Variants in CSMD1 observed in about 807,000 individuals in gnomAD.
CSMD1 encodes CUB and Sushi multiple domains 1.
CSMD1 carries 213 observed loss-of-function variants against 417.5 expected under a neutral mutation model. That is an observed-to-expected ratio of 0.51 (90% CI 0.46 to 0.57). The LOEUF (loss-of-function observed/expected upper bound fraction) is 0.57, where lower values mean the gene tolerates loss of function less well. Ranked by LOEUF, CSMD1 falls within the 20% of genes least tolerant of loss-of-function variation. The pLI is 0.00. For missense variants in CSMD1, 6,923 were observed against 4,529.7 expected, an observed-to-expected ratio of 1.53 and a Z score of -15.17; for synonymous variants, 2,862 against 1,736.8, an observed-to-expected ratio of 1.65 and a Z score of -16.11.
intron 1 of CSMD1, among the ~76,000 whole-genome samples, chr8:4,952,330 A>G (rs1808807457): frequency 2.0e-5 from 2 of 98,370 alleles, no homozygotes; most frequent in Non-Finnish European, 4.2e-5. Flanking sequence ...TGGGAATGAA[A>G]ACAAACCCAA....
chr8:3,737,564 A>G (rs960784351), intron 6 of CSMD1, among the ~76,000 whole-genome samples: 6 of 152,190 alleles, frequency 3.9e-5, no homozygotes, highest in Admixed American at 2.0e-4. Context: ...ACAGAGTAGC[A>G]TATATCCTCC....
intron 1 of CSMD1, among the ~76,000 whole-genome samples, chr8:4,885,004 T>C (rs923225099): frequency 6.6e-6 from 1 of 152,156 alleles, no homozygotes; most frequent in African/African-American, 2.4e-5. Flanking sequence ...TTTATTTAGG[T>C]CTTCTTTAAT....
chr8:3,439,104 C>T (rs376723466), intron 12 of CSMD1, among the ~76,000 whole-genome samples: 20 of 76,588 alleles, frequency 2.6e-4, no homozygotes, highest in East Asian at 1.4e-3. Flanking sequence ...GCCTGGGTGA[C>T]AGAGCAAGAC....
In CSMD1 at chr8:4,354,881, T is replaced by TGTGTGTGA. The variant is rs539588789; in HGVS notation, c.415+65071_415+65072insTCACACAC. Among the ~76,000 whole-genome samples, 913 of 149,484 alleles carry TGTGTGTGA rather than the reference T, an allele frequency of 6.1e-3. 14 individuals are homozygous for TGTGTGTGA. The highest frequency in any genetic ancestry group is 0.021 in the African/African-American group (838 of 40,600). On this transcript the variant is annotated intron_variant, in intron 3 of 69. Transcript: ENST00000635120. ...GGAAAATGTAGTGTGTGTGTGTGTG[T>TGTGTGTGA]GTGTGTGTGTGTGTGTGTGTGTGTG...
Position 3,343,428 on chromosome 8 carries a change from G to C in CSMD1, c.3497C>G (p.Ser1166Cys). ...TLKVYDGKDS[S>C]SRPLGTFTKN... ...AGTGAACGTGCCCAGTGGACGTGAG[G>C]AACTGTCTTTTCCATCATATACCTG... Residue 1166 changes from serine (S) to cysteine (C), a missense_variant, in exon 23 of 70, where the codon TCC becomes TGC. Transcript: ENST00000635120. The C allele has an allele frequency of 1.9e-6, 3 of 1,613,680 alleles. No individual in the cohort carries two copies. Among genetic ancestry groups the C allele is most frequent in the Non-Finnish European group, 2.5e-6 (3 of 1,179,724 alleles).
chr8:3,646,242 G>C (rs571345720), intron 7 of CSMD1, among the ~76,000 whole-genome samples: 2 of 152,196 alleles, frequency 1.3e-5, no homozygotes, highest in Non-Finnish European at 2.9e-5. Context: ...CATAGAAAAA[G>C]AAACGTGATA....
At position 3,884,030 on chromosome 8, in the gene CSMD1, G is replaced by T. The variant is rs367925079; in HGVS notation, c.818+113873C>A. ...ATTTGCTAAATATTTTAGTTTTCAT[G>T]CAAAAGATAACATTAACTTCTCTAT... is the stretch of plus-strand genomic sequence containing the variant. On this transcript the variant is annotated intron_variant, in intron 5 of 69. Transcript: ENST00000635120. Among the ~76,000 whole-genome samples the T allele has an allele frequency of 3.9e-5, 6 of 152,114 alleles. No individual in the cohort carries two copies. The East Asian group carries it at 5.8e-4, about 15-fold the overall frequency.
At chr8:3,500,993 AT>A (rs1796577009) in intron 10 of CSMD1, among the ~76,000 whole-genome samples, 1 of 152,242 alleles carries the variant, frequency 6.6e-6, no homozygotes, top group African/African-American at 2.4e-5. Flanking sequence ...GGAAAGAAAT[AT>A]TGTTGCTACT....
chr8:4,330,477 C>A (rs540179470), intron 3 of CSMD1, among the ~76,000 whole-genome samples: 3 of 151,742 alleles, frequency 2.0e-5, no homozygotes, highest in Non-Finnish European at 4.4e-5. Flanking sequence ...GTAAACCCAG[C>A]TACTTAGGAG....
At chr8:4,887,449 C>G (rs185831586) in intron 1 of CSMD1, among the ~76,000 whole-genome samples, 1 of 152,104 alleles carries the variant, frequency 6.6e-6, no homozygotes, top group South Asian at 2.1e-4. Context: ...ATTTTTTTCA[C>G]TTGGCTACTT....
intron 4 of CSMD1, among the ~76,000 whole-genome samples, chr8:4,009,009 C>T (rs950064164): frequency 2.6e-5 from 4 of 152,084 alleles, no homozygotes; most frequent in Admixed American, 2.0e-4. Context: ...TGTGCCCATA[C>T]CGAATTTCCA....
At chr8:4,760,967 C>T (rs572973650) in intron 1 of CSMD1, among the ~76,000 whole-genome samples, 4 of 152,150 alleles carry the variant, frequency 2.6e-5, no homozygotes, top group Non-Finnish European at 4.4e-5. Flanking sequence ...ACCAAAGTTG[C>T]ATTATTAGCT....
At chr8:4,798,431 A>G (rs1425268567) in intron 1 of CSMD1, among the ~76,000 whole-genome samples, 1 of 152,166 alleles carries the variant, frequency 6.6e-6, no homozygotes, top group Non-Finnish European at 1.5e-5. Flanking sequence ...GAGATATTTT[A>G]TTTTTAAAAA....
intron 3 of CSMD1, among the ~76,000 whole-genome samples, chr8:4,203,377 G>A (rs1799779982): frequency 6.6e-6 from 1 of 152,148 alleles, no homozygotes; most frequent in African/African-American, 2.4e-5. Flanking sequence ...GTGGAAATAT[G>A]AGGTGAGATC....
At chr8:3,228,957 C>T (rs1204086280) in intron 27 of CSMD1, among the ~76,000 whole-genome samples, 3 of 152,070 alleles carry the variant, frequency 2.0e-5, no homozygotes, top group Admixed American at 6.6e-5. Context: ...GAAAAGTAAA[C>T]GCAGCACCAG....
chr8:4,131,752 G>GT (rs1563164346), intron 3 of CSMD1, among the ~76,000 whole-genome samples: 1 of 130,874 alleles, frequency 7.6e-6, no homozygotes, highest in East Asian at 2.4e-4. Flanking sequence ...GTATACAAAT[G>GT]TGACTTTTTT....
chr8:3,226,603 T>TAAAC (rs1798519449), intron 27 of CSMD1, among the ~76,000 whole-genome samples: 2 of 142,180 alleles, frequency 1.4e-5, no homozygotes, highest in Non-Finnish European at 3.0e-5. Flanking sequence ...AAAAAAAAAG[T>TAAAC]CGTTAATGTC....
At chr8:3,070,797 A>G (rs999317286) in intron 49 of CSMD1, among the ~76,000 whole-genome samples, 2 of 152,196 alleles carry the variant, frequency 1.3e-5, no homozygotes, top group East Asian at 3.8e-4. Context: ...CTGCTTCAAC[A>G]TTTCCAGGTA....
intron 3 of CSMD1, among the ~76,000 whole-genome samples, chr8:4,361,969 T>A (rs1801794320): frequency 6.6e-6 from 1 of 150,930 alleles, no homozygotes; most frequent in South Asian, 2.1e-4. Context: ...CATCTCAAAA[T>A]AAATAAATAA....
Sources: allele counts gnomAD v4.1 joint callset (sites outside exome capture counted in the v4.1 genomes callset), GRCh38; gene constraint gnomAD v4.1.1; transcripts MANE v1.5; gene names NCBI Gene and HGNC (gene_info 2026-07-23, HGNC 2026-07-21).